TRAPPC9: variants seen among roughly 807,000 people sequenced by gnomAD.
TRAPPC9 encodes trafficking protein particle complex subunit 9, also known as IKK2 binding protein.
TRAPPC9 carries 83 observed loss-of-function variants against 124.0 expected under a neutral mutation model. The ratio of observed to expected loss-of-function variants is 0.67; its 90% CI spans 0.56 to 0.80. The LOEUF is 0.80. TRAPPC9 is among the 30% of genes least tolerant of loss of function. The pLI is 0.00. For synonymous variants in TRAPPC9, 638 were observed against 617.5 expected, an observed-to-expected ratio of 1.03 and a Z score of -0.49; for missense variants, 1,302 against 1,508.3, an observed-to-expected ratio of 0.86 and a Z score of 2.27.
chr8:139,847,755 G>A (rs968983327), intron 21 of TRAPPC9, among the ~76,000 whole-genome samples: 17 of 149,916 alleles, frequency 1.1e-4, no homozygotes, highest in African/African-American at 2.7e-4. Flanking sequence ...AGATGGGCAC[G>A]AGCACCTGCC....
At chr8:139,924,124 A>C (rs1298099141) in intron 19 of TRAPPC9, among the ~76,000 whole-genome samples, 1 of 152,170 alleles carries the variant, frequency 6.6e-6, no homozygotes, top group Non-Finnish European at 1.5e-5. Context: ...GGAGTCACAG[A>C]AACCCAGACT....
At chr8:139,832,644 G>A (rs1586943851) in intron 21 of TRAPPC9, among the ~76,000 whole-genome samples, 1 of 152,338 alleles carries the variant, frequency 6.6e-6, no homozygotes, top group East Asian at 1.9e-4. Context: ...CCGCCAGAGT[G>A]AGCACAGAGG....
At chr8:140,154,098 AT>A (rs1294260321) in intron 17 of TRAPPC9, among the ~76,000 whole-genome samples, 6 of 152,192 alleles carry the variant, frequency 3.9e-5, no homozygotes, top group Non-Finnish European at 7.3e-5. Flanking sequence ...AACTCGCCAG[AT>A]CTAGGACTAA....
rs73362952 is a variant in TRAPPC9, at chr8:140,169,266, C to T, written c.2556+52193G>A. On this transcript the variant is annotated intron_variant, in intron 17 of 22. Coordinates refer to ENST00000438773, the MANE Select transcript of TRAPPC9 (RefSeq NM_001160372.4). ...CACTTCACATCCACTAGGATGGCTA[C>T]AATAACACAGCTGGGAGGTAACAAG... 6.3e-3 allele frequency among the ~76,000 whole-genome samples: 956 copies of T among 152,276 alleles called. 8 individuals are homozygous for T. Among genetic ancestry groups the T allele is most frequent in the African/African-American group, 0.021 (880 of 41,544 alleles).
intron 16 of TRAPPC9, among the ~76,000 whole-genome samples, chr8:140,223,725 A>G (rs1007685591): frequency 2.0e-5 from 3 of 150,874 alleles, no homozygotes; most frequent in African/African-American, 7.3e-5. Flanking sequence ...CAAGCATAAT[A>G]GAAATAGTTC....
chr8:140,202,875 A>G (rs1256319167), intron 17 of TRAPPC9, among the ~76,000 whole-genome samples: 1 of 152,256 alleles, frequency 6.6e-6, no homozygotes, highest in Non-Finnish European at 1.5e-5. Flanking sequence ...AAGACTTTGC[A>G]TACAAATTCT....
intron 17 of TRAPPC9, among the ~76,000 whole-genome samples, chr8:140,149,135 C>T (rs570569859): frequency 2.0e-5 from 3 of 152,072 alleles, no homozygotes; most frequent in Admixed American, 6.5e-5. Flanking sequence ...CAAGCATCCG[C>T]GTGCCCCTGC....
intron 20 of TRAPPC9, among the ~76,000 whole-genome samples, chr8:139,886,302 T>C (rs770350326): frequency 6.6e-6 from 1 of 152,252 alleles, no homozygotes; most frequent in African/African-American, 2.4e-5. Context: ...TTTTCCTTAA[T>C]AAAATATGCA....
intron 13 of TRAPPC9, among the ~76,000 whole-genome samples, chr8:140,286,097 G>GGCTCCCGGAGGAAGGAAA (rs2065476471): frequency 6.6e-6 from 1 of 152,268 alleles, no homozygotes; most frequent in South Asian, 2.1e-4. Flanking sequence ...TGCCGAGGAA[G>GGCTCCCGGAGGAAGGAAA]GCTCCCGGAG....
chr8:140,093,982 C>T (rs1844750832), intron 17 of TRAPPC9, among the ~76,000 whole-genome samples: 1 of 152,204 alleles, frequency 6.6e-6, no homozygotes, highest in South Asian at 2.1e-4. Context: ...CCAGCCAGTC[C>T]AGGAAGGGTT....
In TRAPPC9 at chr8:140,335,231, G is replaced by A. The variant is rs934743245; in HGVS notation, c.1496-23857C>T. ...ACTCCGGCCGCAATGTGACGCACAG[G>A]CTGGAAGGAGCAAAGCCAGGGAACA... On this transcript the variant is annotated intron_variant, in intron 9 of 22. Coordinates refer to ENST00000438773, the MANE Select transcript of TRAPPC9 (RefSeq NM_001160372.4). Among the ~76,000 whole-genome samples, 5 of 152,148 alleles carry A rather than the reference G, an allele frequency of 3.3e-5. No individual in the cohort carries two copies. The East Asian group carries it at 9.6e-4, about 29-fold the overall frequency.
chr8:139,819,270 G>A (rs1825084890), intron 21 of TRAPPC9, among the ~76,000 whole-genome samples: 1 of 152,164 alleles, frequency 6.6e-6, no homozygotes, highest in Admixed American at 6.6e-5. Flanking sequence ...TAGTCTAGCT[G>A]CAGGAAAACA....
At chr8:140,302,715 C>T (rs1014952961) in intron 10 of TRAPPC9, 1 of 152,228 alleles carries the variant, frequency 6.6e-6, no homozygotes, top group African/African-American at 2.4e-5. Context: ...ATTCATCAAT[C>T]TTATTCACAG....
intron 17 of TRAPPC9, among the ~76,000 whole-genome samples, chr8:140,125,387 G>A (rs909403228): frequency 3.3e-5 from 5 of 152,218 alleles, no homozygotes; most frequent in African/African-American, 1.2e-4. Context: ...CACAGAGCAG[G>A]GGCACGCAGA....
intron 20 of TRAPPC9, 110 bp downstream of exon 20, chr8:139,910,037 A>G: frequency 7.8e-7 from 1 of 1,285,980 alleles, no homozygotes; most frequent in Non-Finnish European, 1.1e-6. Flanking sequence ...AGCATTTCTG[A>G]GCTACCTGTG....
intron 21 of TRAPPC9, among the ~76,000 whole-genome samples, chr8:139,766,135 A>G (rs1162781374): frequency 6.6e-6 from 1 of 152,236 alleles, no homozygotes; most frequent in African/African-American, 2.4e-5. Flanking sequence ...CCTTGGCCCC[A>G]AACACTAGGG....
chr8:139,959,219 A>T (rs1436903547), intron 19 of TRAPPC9, among the ~76,000 whole-genome samples: 3 of 152,244 alleles, frequency 2.0e-5, no homozygotes, highest in Non-Finnish European at 4.4e-5. Flanking sequence ...GTCAAGCCCC[A>T]AAAGCTGTCA....
intron 18 of TRAPPC9, among the ~76,000 whole-genome samples, chr8:140,017,053 C>T (rs1332445858): frequency 3.3e-5 from 5 of 152,118 alleles, no homozygotes; most frequent in African/African-American, 1.2e-4. Context: ...ATGTTGAACA[C>T]TTTTCGGAGA....
At chr8:140,014,775 C>T (rs905859999) in intron 18 of TRAPPC9, among the ~76,000 whole-genome samples, 1 of 152,122 alleles carries the variant, frequency 6.6e-6, no homozygotes, top group African/African-American at 2.4e-5. Flanking sequence ...CACTCACGAA[C>T]GCACAGGACA....
Sources: allele counts gnomAD v4.1 joint callset (sites outside exome capture counted in the v4.1 genomes callset), GRCh38; gene constraint gnomAD v4.1.1; transcripts MANE v1.5; gene names NCBI Gene and HGNC (gene_info 2026-07-23, HGNC 2026-07-21).